Variants in DYNC2H1 observed in about 807,000 individuals in gnomAD.
The protein encoded by DYNC2H1 is cytoplasmic dynein 2 heavy chain 1.
In DYNC2H1, 410 loss-of-function variants were observed where a neutral mutation model predicts 570.0. The ratio of observed to expected loss-of-function variants is 0.72; its 90% CI spans 0.66 to 0.78. The LOEUF is 0.78. Among genes scored for constraint, DYNC2H1 ranks in the 30% least tolerant of loss-of-function variants. The pLI is 0.00. For missense variants in DYNC2H1, 4,865 were observed against 5,046.4 expected, an observed-to-expected ratio of 0.96 and a Z score of 1.09; for synonymous variants, 1,688 against 1,677.6, an observed-to-expected ratio of 1.01 and a Z score of -0.15.
intron 54 of DYNC2H1, among the ~76,000 whole-genome samples, chr11:103,212,649 A>G (rs926602799): frequency 6.6e-6 from 1 of 152,134 alleles, no homozygotes; most frequent in African/African-American, 2.4e-5. Flanking sequence ...ATGTGACATT[A>G]GAATGTCAGC....
chr11:103,117,399 G>GAAT (rs1858466065), intron 5 of DYNC2H1, among the ~76,000 whole-genome samples: 1 of 151,358 alleles, frequency 6.6e-6, no homozygotes, highest in Non-Finnish European at 1.5e-5. Flanking sequence ...CTTAAAAGGT[G>GAAT]TAATGGTATA....
rs201967064 is a variant in DYNC2H1 at position 103,184,969 on chromosome 11, A to T, written c.6551A>T (p.Asp2184Val). ...TTGTCACATCTACATGGTTGCAGAG[A>T]TCATGACGAATTCATTATTAATCTC... ...NGLSHLHGCRDHDEFIINLIR... is the reference protein window; with the variant it reads ...NGLSHLHGCRVHDEFIINLIR... Residue 2184 changes from aspartate (D) to valine (V), a missense_variant, in exon 41 of 89, where the codon GAT (aspartate) becomes GTT (valine). Physicochemically the swap from Asp to Val is radical, Grantham distance 152 (BLOSUM62 -3). Coordinates refer to ENST00000375735, the MANE Select transcript of DYNC2H1 (RefSeq NM_001377.3). 240 of 1,611,332 alleles carry T rather than the reference A, an allele frequency of 1.5e-4. 1 individual carries two copies. In the African/African-American group the frequency reaches 3.0e-3, roughly 20 times the overall value.
intron 28 of DYNC2H1, 46 bp downstream of exon 28, chr11:103,159,073 G>C: frequency 6.8e-7 from 1 of 1,463,270 alleles, no homozygotes; most frequent in East Asian, 2.3e-5. Context: ...AGTTTCAACT[G>C]TCTGCCAGGC....
At chr11:103,110,431 TTC>T (rs1858058275) in intron 1 of DYNC2H1, among the ~76,000 whole-genome samples, 1 of 152,098 alleles carries the variant, frequency 6.6e-6, no homozygotes, top group Admixed American at 6.6e-5. Context: ...GGAAGGCAAA[TTC>T]TAGTCTATCT....
chr11:103,340,871 A>T (rs1939409904), intron 82 of DYNC2H1, among the ~76,000 whole-genome samples: 1 of 152,112 alleles, frequency 6.6e-6, no homozygotes, highest in South Asian at 2.1e-4. Context: ...ATAATGGCAT[A>T]AAAAAACAAA....
chr11:103,471,576 A>G (rs978297332), intron 88 of DYNC2H1, among the ~76,000 whole-genome samples: 3 of 152,234 alleles, frequency 2.0e-5, no homozygotes, highest in Non-Finnish European at 4.4e-5. Context: ...ACAGTGCTTC[A>G]TACATGGTAA....
chr11:103,268,906 C>T lies in DYNC2H1; in HGVS notation c.10695+8929C>T, dbSNP rs1006373461. Among the ~76,000 whole-genome samples, 4 of 151,694 alleles carry T rather than the reference C, an allele frequency of 2.6e-5. No individual in the cohort carries two copies. The highest frequency in any genetic ancestry group is 4.4e-5 in the Non-Finnish European group (3 of 67,884). On this transcript the variant is annotated intron_variant, in intron 70 of 88. Transcript: ENST00000375735. The surrounding 1 kb of genome is among the most constrained non-coding windows in gnomAD (Gnocchi z 4.6). ...GTATATTCACTGATGAAATTTGAAC[C>T]CCTGTGTCATATTTTATAATGTAAT... is the stretch of plus-strand genomic sequence containing the variant.
rs761717668 is a variant in DYNC2H1, at chr11:103,156,612, T to C, written c.3969T>C (p.Asp1323=). 9 of 1,613,548 alleles carry C rather than the reference T, an allele frequency of 5.6e-6. No individual in the cohort carries two copies. The highest frequency in any genetic ancestry group is 3.3e-5 in the South Asian group (3 of 91,054). The change falls in exon 26 of 89, where the codon GAT becomes GAC. Residue 1323 remains aspartate, a synonymous_variant. Coordinates refer to ENST00000375735, the MANE Select transcript of DYNC2H1 (RefSeq NM_001377.3). ...CTCCTTATTATAAAGGATTTGAAGATAAAGTATCAATTTGGGAAAGAAAAC... is the reference window on the plus strand; with the variant it reads ...CTCCTTATTATAAAGGATTTGAAGACAAAGTATCAATTTGGGAAAGAAAAC... The part of the protein sequence containing the change: ...KDSPYYKGFE[D]KVSIWERKLA...
rs991133995 is a variant in DYNC2H1, at chr11:103,449,496, C to G, written c.12457-5690C>G. On this transcript the variant is annotated intron_variant, in intron 85 of 88. Transcript: ENST00000375735. ...ATTCATGGAAGCTCAGCAATGCCATCTAGTTTTCAAATTGATCCATTGTTT... is the reference window on the plus strand; with the variant it reads ...ATTCATGGAAGCTCAGCAATGCCATGTAGTTTTCAAATTGATCCATTGTTT... Among the ~76,000 whole-genome samples the G allele has an allele frequency of 2.0e-5, 3 of 152,260 alleles. No homozygotes were observed. In the East Asian group the frequency reaches 5.8e-4, roughly 29 times the overall value.
chr11:103,141,705 C>G (rs1183666960), intron 17 of DYNC2H1, among the ~76,000 whole-genome samples: 1 of 152,200 alleles, frequency 6.6e-6, no homozygotes, highest in African/African-American at 2.4e-5. Flanking sequence ...TCTCAGATCT[C>G]CAGCTGCATG....
chr11:103,298,718 C>G (rs184021404), intron 75 of DYNC2H1, among the ~76,000 whole-genome samples: 1 of 152,032 alleles, frequency 6.6e-6, no homozygotes, highest in Non-Finnish European at 1.5e-5. Context: ...ACAGGCACTT[C>G]CCTCTTTTTA....
chr11:103,455,404 A>G, intron 86 of DYNC2H1, 109 bp downstream of exon 86: 1 of 819,730 alleles, frequency 1.2e-6, no homozygotes, highest in South Asian at 1.6e-5. Flanking sequence ...TTTATTATTG[A>G]AACACAGTTA....
chr11:103,382,829 C>T (rs1440974970), intron 83 of DYNC2H1, among the ~76,000 whole-genome samples: 2 of 152,146 alleles, frequency 1.3e-5, no homozygotes, highest in African/African-American at 4.8e-5. Context: ...TTACTTACAG[C>T]GTTTCAGTCA....
intron 82 of DYNC2H1, among the ~76,000 whole-genome samples, chr11:103,355,642 T>C (rs988666678): frequency 6.6e-6 from 1 of 152,206 alleles, no homozygotes; most frequent in African/African-American, 2.4e-5. Context: ...TCACTGGTCT[T>C]TGAAATAAGA....
Position 103,187,487 on chromosome 11 carries a change from A to G in DYNC2H1, c.7041A>G (p.Arg2347=), listed in dbSNP as rs1862121066. 1 of 1,613,418 alleles carries G rather than the reference A, an allele frequency of 6.2e-7. No individual in the cohort carries two copies. The highest frequency in any genetic ancestry group is 1.1e-5 in the South Asian group (1 of 91,084). The part of the protein sequence containing the change: ...VISTNTGRVY[R]PKDCERLVLY... ...GTACTAATACTGGTCGTGTATACAG[A>G]CCAAAAGACTGTGAAAGACTTGTTC... Residue 2347 remains arginine (R), a synonymous_variant, in exon 43 of 89, where the codon AGA becomes AGG. Coordinates refer to ENST00000375735, the MANE Select transcript of DYNC2H1 (RefSeq NM_001377.3).
rs1591801013 is a variant in DYNC2H1, at chr11:103,467,184, C to G, written c.12649-1405C>G. On this transcript the variant is annotated intron_variant, in intron 87 of 88. Transcript: ENST00000375735. ...GATACAGATAAAACTAAATTCAGGC[C>G]AGAATATTTTCAAAACTCTTCAAGT... Among the ~76,000 whole-genome samples, 3 of 152,100 alleles carry G rather than the reference C, an allele frequency of 2.0e-5. No individual in the cohort carries two copies. The East Asian group carries it at 5.8e-4, about 29-fold the overall frequency.
intron 85 of DYNC2H1, among the ~76,000 whole-genome samples, chr11:103,453,745 A>C (rs1349930797): frequency 6.6e-6 from 1 of 151,112 alleles, no homozygotes; most frequent in Admixed American, 6.6e-5. Flanking sequence ...TTATTAAATG[A>C]CTGTTTTAAA....
In DYNC2H1 at chr11:103,256,030, A is replaced by G. The variant is rs906841117; in HGVS notation, c.10327-76A>G. The G allele has an allele frequency of 1.2e-4, 146 of 1,254,900 alleles. No homozygotes were observed. The highest frequency in any genetic ancestry group is 2.3e-4 in the Admixed American group (8 of 35,286). 77.7% of individuals were successfully genotyped at this position (1,254,900 alleles called of 1,614,324 possible). A position where few individuals can be genotyped will look rare whatever the true frequency, so the allele number is the denominator to read the frequency against. On this transcript the variant is annotated intron_variant, in intron 67 of 88. Coordinates refer to ENST00000375735, the MANE Select transcript of DYNC2H1 (RefSeq NM_001377.3). This position sits in a 1 kb window ranked among gnomAD's most constrained non-coding sequence, Gnocchi z 4.0. ...AGTTGCCATAAACATCAAATGAATG[A>G]CAGTTAATATGGGTTTGCTTTAATT...
chr11:103,396,627 C>A (rs373823672), intron 83 of DYNC2H1, among the ~76,000 whole-genome samples: 1 of 152,138 alleles, frequency 6.6e-6, no homozygotes, highest in Non-Finnish European at 1.5e-5. Context: ...AAAATAGTAT[C>A]CCACCTAGGA....
Sources: gnomAD v4.1 joint callset for allele counts (sites outside exome capture counted in the v4.1 genomes callset) on GRCh38, gnomAD v4.1.1 for gene constraint, Gnocchi (gnomAD v3.1) non-coding constraint, MANE v1.5 for transcripts, NCBI Gene and HGNC (gene_info 2026-07-23, HGNC 2026-07-21) for gene names.